The following TNIK variants were observed in gnomAD, a reference collection of about 807,000 sequenced individuals.
The protein encoded by TNIK is TRAF2 and NCK-interacting protein kinase.
Under a neutral mutation model 191.3 loss-of-function variants are expected in TNIK, and 49 were observed. That is an observed-to-expected ratio of 0.26 (90% CI 0.20 to 0.32). The LOEUF is 0.32. Among genes scored for constraint, TNIK ranks in the 10% least tolerant of loss-of-function variants. The pLI is 1.00. For missense variants in TNIK, 1,155 were observed against 1,702.3 expected, an observed-to-expected ratio of 0.68 and a Z score of 5.66; for synonymous variants, 594 against 600.9, an observed-to-expected ratio of 0.99 and a Z score of 0.17.
intron 1 of TNIK, among the ~76,000 whole-genome samples, chr3:171,423,668 A>T (rs1724124768): frequency 6.6e-6 from 1 of 152,214 alleles, no homozygotes; most frequent in Non-Finnish European, 1.5e-5. Flanking sequence ...GAGCCCTCAG[A>T]AATAATGCCA....
intron 1 of TNIK, among the ~76,000 whole-genome samples, chr3:171,401,802 A>G (rs1185300915): frequency 6.6e-6 from 1 of 152,214 alleles, no homozygotes; most frequent in Non-Finnish European, 1.5e-5. Context: ...TATCAACCTC[A>G]TAGGGCTGTT....
intron 2 of TNIK, among the ~76,000 whole-genome samples, chr3:171,245,906 GAGAA>G (rs1242103603): frequency 6.6e-6 from 1 of 152,160 alleles, no homozygotes; most frequent in Non-Finnish European, 1.5e-5. Flanking sequence ...ATAAGAGAGA[GAGAA>G]AGAGAGAGAA....
intron 18 of TNIK, among the ~76,000 whole-genome samples, chr3:171,118,320 T>C (rs1323600185): frequency 6.6e-6 from 1 of 152,240 alleles, no homozygotes; most frequent in African/African-American, 2.4e-5. Context: ...CATTTCATGC[T>C]CATGGATAGG....
intron 12 of TNIK, among the ~76,000 whole-genome samples, chr3:171,144,574 G>T (rs1731279379): frequency 6.6e-6 from 1 of 152,090 alleles, no homozygotes; most frequent in African/African-American, 2.4e-5. Flanking sequence ...TAATGATCAA[G>T]TCAGTGTAAT....
intron 1 of TNIK, among the ~76,000 whole-genome samples, chr3:171,396,325 G>A (rs780065974): frequency 3.3e-5 from 5 of 152,142 alleles, no homozygotes; most frequent in Non-Finnish European, 7.3e-5. Context: ...CCATTGTTTG[G>A]AGACACCAAA....
intron 2 of TNIK, among the ~76,000 whole-genome samples, chr3:171,275,774 G>A (rs1749659655): frequency 6.6e-6 from 1 of 152,022 alleles, no homozygotes; most frequent in African/African-American, 2.4e-5. Flanking sequence ...GTGGGTGCCT[G>A]TAGTCCCAGC....
chr3:171,238,922 A>C (rs540054670), intron 2 of TNIK, among the ~76,000 whole-genome samples: 3 of 152,342 alleles, frequency 2.0e-5, no homozygotes, highest in East Asian at 3.9e-4. Flanking sequence ...TACTATACCC[A>C]GTGACTTCTG....
chr3:171,413,898 G>T (rs1297213708), intron 1 of TNIK, among the ~76,000 whole-genome samples: 1 of 152,114 alleles, frequency 6.6e-6, no homozygotes, highest in Non-Finnish European at 1.5e-5. Context: ...TATAATTGTA[G>T]TTATCTCACA....
At chr3:171,103,018 G>A (rs1259424471) in intron 21 of TNIK, among the ~76,000 whole-genome samples, 2 of 152,212 alleles carry the variant, frequency 1.3e-5, no homozygotes, top group African/African-American at 4.8e-5. Flanking sequence ...GCAATTCATA[G>A]TGTTAACTGA....
chr3:171,249,243 G>A (rs1285656946), intron 2 of TNIK, among the ~76,000 whole-genome samples: 2 of 152,074 alleles, frequency 1.3e-5, no homozygotes, highest in Non-Finnish European at 2.9e-5. Context: ...ATAATTCTGG[G>A]TCCCACTCCC....
intron 1 of TNIK, among the ~76,000 whole-genome samples, chr3:171,388,690 A>G (rs1719059817): frequency 6.6e-6 from 1 of 152,124 alleles, no homozygotes. Context: ...TTCCTTAAAA[A>G]CTGATTTCCA....
chr3:171,289,892 A>T (rs913280938), intron 2 of TNIK, among the ~76,000 whole-genome samples: 6 of 121,730 alleles, frequency 4.9e-5, no homozygotes, highest in Admixed American at 3.5e-4. Context: ...ACAGGGCCAG[A>T]CTCCGTCTCA....
rs779606905 is a variant in TNIK at position 171,167,284 on chromosome 3, G to T, written c.774-14C>A. The stretch of plus-strand genomic sequence containing the variant: ...AATTTTTTTGACCTGCCAAACAAAA[G>T]AAATGAATCCACAGATAAAACGGCG... On this transcript the variant is annotated splice_polypyrimidine_tract_variant and intron_variant, in intron 9 of 32. Coordinates refer to ENST00000436636, the MANE Select transcript of TNIK (RefSeq NM_015028.4). The T allele has an allele frequency of 3.1e-6, 5 of 1,608,164 alleles. No homozygotes were observed. In the East Asian group the frequency reaches 1.1e-4, roughly 36 times the overall value.
In TNIK at chr3:171,101,547, G is replaced by GT; in HGVS notation, c.2492_2493insA (p.Ser832LeufsTer3). 1 of 1,613,434 alleles carries GT rather than the reference G, an allele frequency of 6.2e-7. No homozygotes were observed. The highest frequency in any genetic ancestry group is 2.2e-5 in the East Asian group (1 of 44,868). ...CGCTACTTTCTGACTCCTCACTGGA[G>GT]GAGGAGTAATCAGTCACCTTCTTCA... On this transcript the variant is annotated frameshift_variant, in exon 22 of 33. Coordinates refer to ENST00000436636, the MANE Select transcript of TNIK (RefSeq NM_015028.4). LOFTEE classifies it high-confidence loss of function.
chr3:171,258,963 G>A (rs1171780959), intron 2 of TNIK, among the ~76,000 whole-genome samples: 1 of 152,024 alleles, frequency 6.6e-6, no homozygotes, highest in Non-Finnish European at 1.5e-5. Flanking sequence ...ACGCAAACAC[G>A]CCACTGAAAT....
chr3:171,174,733 A>G, intron 9 of TNIK, among the ~76,000 whole-genome samples: 1 of 152,224 alleles, frequency 6.6e-6, no homozygotes, highest in South Asian at 2.1e-4. Flanking sequence ...CGCTGCCCCA[A>G]ATAAGAAGCC....
intron 1 of TNIK, among the ~76,000 whole-genome samples, chr3:171,457,615 T>C (rs1728929557): frequency 6.6e-6 from 1 of 152,198 alleles, no homozygotes. Context: ...CTCTGATTTG[T>C]GGAGATTACC....
intron 1 of TNIK, among the ~76,000 whole-genome samples, chr3:171,378,289 C>T (rs984572746): frequency 6.6e-6 from 1 of 152,180 alleles, no homozygotes; most frequent in Admixed American, 6.5e-5. Context: ...AAACCACAGA[C>T]TCTACAGCCA....
At chr3:171,371,317 G>A (rs1416045825) in intron 1 of TNIK, among the ~76,000 whole-genome samples, 2 of 152,026 alleles carry the variant, frequency 1.3e-5, no homozygotes, top group Non-Finnish European at 2.9e-5. Flanking sequence ...TCCAATCTGT[G>A]GTAAATCAAA....
Sources: allele counts gnomAD v4.1 joint callset (sites outside exome capture counted in the v4.1 genomes callset), GRCh38; gene constraint gnomAD v4.1.1; transcripts MANE v1.5; gene names NCBI Gene and HGNC (gene_info 2026-07-23, HGNC 2026-07-21).